The following RASSF3 variants were observed in gnomAD, a reference collection of about 807,000 sequenced individuals.
RASSF3 encodes the protein ras association domain-containing protein 3.
A neutral mutation model predicts 19.9 loss-of-function variants in RASSF3; 19 were observed. The observed-to-expected ratio is 0.96, with a 90% CI of 0.67 to 1.40. The LOEUF (loss-of-function observed/expected upper bound fraction) is 1.40. Among genes scored for constraint, RASSF3 ranks in the 40% most tolerant of loss-of-function variants. The pLI is 0.00. For synonymous variants in RASSF3, 110 were observed against 104.2 expected, an observed-to-expected ratio of 1.06 and a Z score of -0.34; for missense variants, 306 against 289.8, an observed-to-expected ratio of 1.06 and a Z score of -0.41.
In RASSF3 at chr12:64,695,552, G is replaced by A. The variant is rs1009413173; in HGVS notation, c.*640G>A. ...CTTGGCTTTTCAGTTAGGGGTAGTGGAGAAAGGGGTAGTTGCTTGTAAACG... is the reference window on the plus strand; with the variant it reads ...CTTGGCTTTTCAGTTAGGGGTAGTGAAGAAAGGGGTAGTTGCTTGTAAACG... On this transcript the variant is annotated 3_prime_UTR_variant, in exon 5 of 5. Coordinates refer to ENST00000542104, the MANE Select transcript of RASSF3 (RefSeq NM_178169.4). 6.5e-6 allele frequency: 1 copy of A among 152,728 alleles called. No individual in the cohort carries two copies. The highest frequency in any genetic ancestry group is 6.6e-5 in the Admixed American group (1 of 15,262). 9.5% of individuals were successfully genotyped at this position (152,728 alleles called of 1,614,324 possible).
At chr12:64,683,565 T>C (rs1873215715) in intron 1 of RASSF3, among the ~76,000 whole-genome samples, 2 of 152,342 alleles carry the variant, frequency 1.3e-5, no homozygotes, top group Admixed American at 1.3e-4. Flanking sequence ...TGAATTATCC[T>C]CTGGTAGTTG....
chr12:64,641,498 G>A (rs2136182887), intron 1 of RASSF3, among the ~76,000 whole-genome samples: 1 of 151,076 alleles, frequency 6.6e-6, no homozygotes, highest in South Asian at 2.1e-4. Context: ...CTGGTTTTGA[G>A]AAAGTAACTG....
intron 2 of RASSF3, among the ~76,000 whole-genome samples, chr12:64,562,796 A>T (rs1442723456): frequency 1.3e-5 from 2 of 151,806 alleles, no homozygotes; most frequent in African/African-American, 4.8e-5. Flanking sequence ...AATGTTTTTT[A>T]AAAATATATT....
chr12:64,680,401 C>T (rs1592466162), intron 1 of RASSF3, among the ~76,000 whole-genome samples: 1 of 152,020 alleles, frequency 6.6e-6, no homozygotes, highest in Admixed American at 6.6e-5. Flanking sequence ...GCAGACACCA[C>T]GCCCCGTGAG....
At chr12:64,515,295 G>A (rs1868355770) in intron 1 of RASSF3, among the ~76,000 whole-genome samples, 1 of 152,116 alleles carries the variant, frequency 6.6e-6, no homozygotes, top group South Asian at 2.1e-4. Context: ...GACCTCAGGT[G>A]ATCCATCTGC....
At chr12:64,609,785 T>A (rs763659936), upstream of RASSF3, among the ~76,000 whole-genome samples, 1 of 152,210 alleles carries the variant, frequency 6.6e-6, no homozygotes, top group African/African-American at 2.4e-5. Context: ...TCTGTAACTA[T>A]AGAACTAGTT....
At chr12:64,508,622 T>C (rs530022160) in intron 1 of RASSF3, among the ~76,000 whole-genome samples, 15 of 151,062 alleles carry the variant, frequency 9.9e-5, no homozygotes, top group African/African-American at 3.6e-4. Flanking sequence ...CGGCGGCTCA[T>C]GCCTGTAATC....
At chr12:64,546,357 G>T (rs1437475432), downstream of RASSF3, among the ~76,000 whole-genome samples, 2 of 151,974 alleles carry the variant, frequency 1.3e-5, no homozygotes, top group East Asian at 3.9e-4. Flanking sequence ...TGCAAGCTCC[G>T]CCTCCCGGGT....
intron 2 of RASSF3, among the ~76,000 whole-genome samples, chr12:64,590,523 C>T (rs928337317): frequency 1.3e-4 from 20 of 152,068 alleles, no homozygotes; most frequent in Admixed American, 5.9e-4. Flanking sequence ...CATATGTGCA[C>T]GCAAACATTT....
intron 2 of RASSF3, among the ~76,000 whole-genome samples, chr12:64,571,911 T>C (rs1386416372): frequency 2.0e-5 from 3 of 152,210 alleles, no homozygotes; most frequent in African/African-American, 7.2e-5. Flanking sequence ...GGGATTCTGC[T>C]GGTGCCAGAA....
intron 1 of RASSF3, among the ~76,000 whole-genome samples, chr12:64,519,316 A>G (rs142185288): frequency 2.0e-5 from 3 of 152,200 alleles, no homozygotes; most frequent in Non-Finnish European, 2.9e-5. Context: ...CTGAGGCACA[A>G]GAATCTCTTG....
chr12:64,564,903 C>G (rs1869403944), intron 2 of RASSF3, among the ~76,000 whole-genome samples: 2 of 151,498 alleles, frequency 1.3e-5, no homozygotes, highest in Admixed American at 1.3e-4. Context: ...GCCTTAGCCT[C>G]CCAAGTAGCT....
intron 1 of RASSF3, among the ~76,000 whole-genome samples, chr12:64,657,312 G>A (rs1412516000): frequency 6.6e-6 from 1 of 152,122 alleles, no homozygotes; most frequent in East Asian, 1.9e-4. Context: ...GCGATACAGA[G>A]TTTCAGCTGG....
chr12:64,684,767 ATGTCT>A lies in RASSF3; in HGVS notation c.112-16_112-12del. On this transcript the variant is annotated splice_polypyrimidine_tract_variant and intron_variant, in intron 1 of 4. Coordinates refer to ENST00000542104, the MANE Select transcript of RASSF3 (RefSeq NM_178169.4). ...TTTTTTATGATTGCTCACATGTGAC[ATGTCT>A]TGTTTTTCTTCTAGGATGTTGAGAA... 1.3e-6 allele frequency: 2 copies of A among 1,527,504 alleles called. No homozygotes were observed. The highest frequency in any genetic ancestry group is 1.8e-6 in the Non-Finnish European group (2 of 1,101,436). 94.6% of individuals were successfully genotyped at this position (1,527,504 alleles called of 1,614,324 possible). A position where few individuals can be genotyped will look rare whatever the true frequency, so the allele number is the denominator to read the frequency against.
upstream of RASSF3, among the ~76,000 whole-genome samples, chr12:64,531,889 T>A (rs751940734): frequency 1.3e-5 from 2 of 152,224 alleles, no homozygotes; most frequent in Non-Finnish European, 2.9e-5. Context: ...ATTTTGGGGC[T>A]GCTGAAGGGT....
rs113305348 is a variant in RASSF3, at chr12:64,601,468, C to T, written c.294+59763C>T. On this transcript the variant is annotated intron_variant, in intron 2 of 5. Coordinates refer to the RASSF3 transcript ENST00000637125. ...GCCATCATCTATGGATGAAGATCCT[C>T]ATAGTATTAAAATGTAGTTGTTTAA... 3.7e-3 allele frequency among the ~76,000 whole-genome samples: 558 copies of T among 152,254 alleles called. 7 individuals are homozygous for T. The highest frequency in any genetic ancestry group is 0.011 in the African/African-American group (473 of 41,548).
chr12:64,591,243 G>A lies in RASSF3; in HGVS notation c.294+49538G>A, dbSNP rs559663107. Among the ~76,000 whole-genome samples, 8 of 152,222 alleles carry A rather than the reference G, an allele frequency of 5.3e-5. No individual in the cohort carries two copies. The East Asian group carries it at 1.2e-3, about 22-fold the overall frequency. ...TGTAATCCCAGCACTTTGGGAGGCC[G>A]AGGCAGGCGGATCACGAGGTCAGGA... On this transcript the variant is annotated intron_variant, in intron 2 of 5. Transcript: ENST00000637125.
At chr12:64,686,392 C>G (rs1165037856) in intron 2 of RASSF3, among the ~76,000 whole-genome samples, 4 of 152,120 alleles carry the variant, frequency 2.6e-5, no homozygotes, top group Non-Finnish European at 5.9e-5. Context: ...GTGGGCAGAT[C>G]ACGAGGTCAG....
chr12:64,607,073 G>A (rs1870206801), upstream of RASSF3, among the ~76,000 whole-genome samples: 1 of 151,816 alleles, frequency 6.6e-6, no homozygotes, highest in South Asian at 2.1e-4. Context: ...GAGCCTAAGA[G>A]TTCATCAAGA....
Sources: allele counts gnomAD v4.1 joint callset (sites outside exome capture counted in the v4.1 genomes callset), GRCh38; gene constraint gnomAD v4.1.1; transcripts MANE v1.5; gene names NCBI Gene and HGNC (gene_info 2026-07-23, HGNC 2026-07-21).